MYL10: variants seen among roughly 807,000 people sequenced by gnomAD.
The protein encoded by MYL10 is myosin light chain 10, also known as myosin regulatory light chain 10.
Under a neutral mutation model 21.9 loss-of-function variants are expected in MYL10, and 18 were observed. The ratio of observed to expected loss-of-function variants is 0.82; its 90% CI spans 0.57 to 1.22. The LOEUF (loss-of-function observed/expected upper bound fraction) is 1.22, where lower values mean the gene tolerates loss of function less well. Among genes scored for constraint, MYL10 ranks in the 50% most tolerant of loss-of-function variants. The probability of loss-of-function intolerance (pLI) is 0.00; values close to 1 mark genes in which losing one functional copy is unlikely to be tolerated. For synonymous variants in MYL10, 88 were observed against 82.8 expected, an observed-to-expected ratio of 1.06 and a Z score of -0.34; for missense variants, 225 against 230.4, an observed-to-expected ratio of 0.98 and a Z score of 0.15.
intron 3 of MYL10, among the ~76,000 whole-genome samples, 159 bp from the exon 4 acceptor site, chr7:101,623,231 G>T (rs962259481): frequency 6.6e-6 from 1 of 152,164 alleles, no homozygotes; most frequent in Admixed American, 6.5e-5. Flanking sequence ...CTCATTTCAG[G>T]CTCACAGCAA....
At chr7:101,615,860 A>T (rs1011517220) in intron 6 of MYL10, among the ~76,000 whole-genome samples, 4 of 151,278 alleles carry the variant, frequency 2.6e-5, no homozygotes, top group African/African-American at 7.3e-5. Flanking sequence ...ATGCCTGGCT[A>T]ATTTTTTTTA....
chr7:101,613,716 C>A lies in MYL10; in HGVS notation c.534-6G>T. On this transcript the variant is annotated splice_polypyrimidine_tract_variant and splice_region_variant and intron_variant, in intron 6 of 7. Coordinates refer to ENST00000223167, the MANE Select transcript of MYL10 (RefSeq NM_138403.5). ...TCATAAGTTTTTCTTTGATGCTGTTCAAGGGAGAGACACAGTCATGTTCAG... is the reference window on the plus strand; with the variant it reads ...TCATAAGTTTTTCTTTGATGCTGTTAAAGGGAGAGACACAGTCATGTTCAG... 1 of 1,614,004 alleles carries A rather than the reference C, an allele frequency of 6.2e-7. No individual in the cohort carries two copies. The highest frequency in any genetic ancestry group is 8.5e-7 in the Non-Finnish European group (1 of 1,179,986).
Position 101,613,647 on chromosome 7 carries a change from A to C in MYL10, c.582+15T>G. 6.2e-7 allele frequency: 1 copy of C among 1,614,168 alleles called. No individual in the cohort carries two copies. The highest frequency in any genetic ancestry group is 8.5e-7 in the Non-Finnish European group (1 of 1,180,004). On this transcript the variant is annotated intron_variant, in intron 7 of 7. Coordinates refer to ENST00000223167, the MANE Select transcript of MYL10 (RefSeq NM_138403.5). ...AGCAGAGAATCCGCCGTGACCCACC[A>C]GAATCCCAGTTTACCTCCTCCTCAC...
chr7:101,625,461 C>T (rs1584542300), intron 1 of MYL10, among the ~76,000 whole-genome samples: 1 of 152,248 alleles, frequency 6.6e-6, no homozygotes, highest in South Asian at 2.1e-4. Context: ...TTGTACCACC[C>T]TCTCCTGCCA....
At chr7:101,619,268 C>T (rs1016920738) in intron 5 of MYL10, among the ~76,000 whole-genome samples, 2 of 152,330 alleles carry the variant, frequency 1.3e-5, no homozygotes, top group South Asian at 4.1e-4. Flanking sequence ...TGAGCTCTTC[C>T]AGGAGGCGCA....
At position 101,629,244 on chromosome 7, in the gene MYL10, C is replaced by G. The variant is rs1298557987; in HGVS notation, c.-126G>C. 3.4e-6 allele frequency: 1 copy of G among 294,760 alleles called. No individual in the cohort carries two copies. Among genetic ancestry groups the G allele is most frequent in the Non-Finnish European group, 6.6e-6 (1 of 151,554 alleles). The allele number at this position is 294,760 out of a possible 1,614,324, so 18.3% of individuals were successfully genotyped here. ...CGATGGGGGTGTGGCTCGCTTCTTCCATGCCCAGCTGCTCAAACCTCTAGG... is the reference window on the plus strand; with the variant it reads ...CGATGGGGGTGTGGCTCGCTTCTTCGATGCCCAGCTGCTCAAACCTCTAGG... On this transcript the variant is annotated 5_prime_UTR_variant, in exon 1 of 8. It removes an upstream start codon present in the reference 5' UTR. Coordinates refer to ENST00000223167, the MANE Select transcript of MYL10 (RefSeq NM_138403.5).
intron 1 of MYL10, among the ~76,000 whole-genome samples, chr7:101,625,150 C>T (rs1300848948): frequency 2.6e-5 from 4 of 152,186 alleles, no homozygotes; most frequent in Admixed American, 6.5e-5. Context: ...GGCCAACCCA[C>T]GCAGCAGGCA....
At chr7:101,619,751 G>A (rs528612942) in intron 5 of MYL10, among the ~76,000 whole-genome samples, 4 of 152,042 alleles carry the variant, frequency 2.6e-5, no homozygotes, top group East Asian at 1.9e-4. Flanking sequence ...TTAGACGAGC[G>A]TGGTGGCAGG....
intron 4 of MYL10, among the ~76,000 whole-genome samples, chr7:101,622,743 A>ACCAGGC (rs532594514): frequency 2.9e-4 from 44 of 151,198 alleles, no homozygotes; most frequent in East Asian, 2.0e-4. Context: ...GGTCCCCTAC[A>ACCAGGC]CCAGGCCCAG....
intron 1 of MYL10, among the ~76,000 whole-genome samples, chr7:101,628,207 G>A (rs1006335175): frequency 1.3e-5 from 2 of 152,286 alleles, no homozygotes; most frequent in South Asian, 2.1e-4. Flanking sequence ...TAATCCCAGA[G>A]CTTTCGGAGG....
intron 1 of MYL10, among the ~76,000 whole-genome samples, chr7:101,628,214 G>A (rs1240694349): frequency 6.6e-6 from 1 of 152,216 alleles, no homozygotes; most frequent in Admixed American, 6.5e-5. Flanking sequence ...AGAGCTTTCG[G>A]AGGCCAAGAG....
rs1172745932 is a variant in MYL10 at position 101,623,253 on chromosome 7, A to G, written c.274-181T>C. Reference sequence around the variant, plus strand: ...CAGGCTCACAGCAACTCCAGTTTGCAGACAGGGAAACTGAGGCTCAGAGAG... The same window carrying G: ...CAGGCTCACAGCAACTCCAGTTTGCGGACAGGGAAACTGAGGCTCAGAGAG... On this transcript the variant is annotated intron_variant, in intron 3 of 7. Coordinates refer to ENST00000223167, the MANE Select transcript of MYL10 (RefSeq NM_138403.5). Among the ~76,000 whole-genome samples, 3 of 152,188 alleles carry G rather than the reference A, an allele frequency of 2.0e-5. No homozygotes were observed. In the East Asian group the frequency reaches 5.8e-4, roughly 29 times the overall value.
chr7:101,619,944 T>TG (rs1796656930), intron 5 of MYL10, among the ~76,000 whole-genome samples: 1 of 151,204 alleles, frequency 6.6e-6, no homozygotes, highest in Non-Finnish European at 1.5e-5. Context: ...TCACCTTATT[T>TG]GGAAAAAAGG....
chr7:101,624,907 C>A (rs910549519), intron 1 of MYL10, among the ~76,000 whole-genome samples: 1 of 152,106 alleles, frequency 6.6e-6, no homozygotes. Flanking sequence ...CTCCGAGAAG[C>A]CTTCCCTGAC....
chr7:101,619,478 G>T (rs1317925991), intron 5 of MYL10, among the ~76,000 whole-genome samples: 3 of 152,184 alleles, frequency 2.0e-5, no homozygotes, highest in Non-Finnish European at 4.4e-5. Flanking sequence ...GTGCGTGGAG[G>T]CTGCTCTACC....
chr7:101,624,632 G>T (rs1161569632), intron 1 of MYL10, among the ~76,000 whole-genome samples: 1 of 152,044 alleles, frequency 6.6e-6, no homozygotes, highest in Non-Finnish European at 1.5e-5. Flanking sequence ...TGACCTTATC[G>T]CCAGCTGCTA....
At chr7:101,616,913 C>G (rs1374174131) in intron 5 of MYL10, among the ~76,000 whole-genome samples, 1 of 152,226 alleles carries the variant, frequency 6.6e-6, no homozygotes, top group African/African-American at 2.4e-5. Flanking sequence ...CAGAGAAGTT[C>G]TGCTTTTATC....
At chr7:101,626,168 G>A (rs556907086) in intron 1 of MYL10, among the ~76,000 whole-genome samples, 8 of 152,340 alleles carry the variant, frequency 5.3e-5, no homozygotes, top group African/African-American at 1.2e-4. Flanking sequence ...CCCAGCCTCC[G>A]TGATGTTAAG....
chr7:101,615,991 G>A (rs1399767277), intron 6 of MYL10, among the ~76,000 whole-genome samples: 1 of 151,986 alleles, frequency 6.6e-6, no homozygotes, highest in Non-Finnish European at 1.5e-5. Context: ...GAGCCACCGC[G>A]CCCAGCCTGA....
Sources: gnomAD v4.1 joint callset for allele counts (sites outside exome capture counted in the v4.1 genomes callset) on GRCh38, gnomAD v4.1.1 for gene constraint, MANE v1.5 for transcripts, NCBI Gene and HGNC (gene_info 2026-07-23, HGNC 2026-07-21) for gene names.